RNF168: variants seen among roughly 807,000 people sequenced by gnomAD.
RNF168 encodes ring finger protein 168, also known as E3 ubiquitin-protein ligase RNF168.
In RNF168, 34 loss-of-function variants were observed where a neutral mutation model predicts 34.9. The observed-to-expected ratio is 0.97, with a 90% CI of 0.74 to 1.30. The LOEUF is 1.30. Ranked by LOEUF, RNF168 falls within the 50% of genes most tolerant of loss-of-function variation. The probability of loss-of-function intolerance (pLI) is 0.00; values close to 1 mark genes in which losing one functional copy is unlikely to be tolerated. For missense variants in RNF168, 725 were observed against 682.5 expected, an observed-to-expected ratio of 1.06 and a Z score of -0.69; for synonymous variants, 264 against 254.7, an observed-to-expected ratio of 1.04 and a Z score of -0.35.
rs940416672 is a variant in RNF168 at position 196,500,424 on chromosome 3, T to G, written c.301+2449A>C. On this transcript the variant is annotated intron_variant, in intron 1 of 5. Transcript: ENST00000318037. ...CACAAAAGGACAAAACCTATGAAAA[T>G]TCCACTTACAGGAGGTACCTAGAAG... 1.2e-4 allele frequency among the ~76,000 whole-genome samples: 19 copies of G among 152,124 alleles called. No individual in the cohort carries two copies. The East Asian group carries it at 3.5e-3, about 28-fold the overall frequency.
In RNF168 at chr3:196,472,042, T is replaced by C. The variant is rs1430482491; in HGVS notation, c.1493A>G (p.Asn498Ser). 8.1e-6 allele frequency: 13 copies of C among 1,613,942 alleles called. No individual in the cohort carries two copies. The highest frequency in any genetic ancestry group is 1.3e-5 in the African/African-American group (1 of 75,046). ...NGQRKNPKDG[N>S]FKRQTHTKHP... ...CTTTGTGTGAGTTTGCCTTTTGAAG[T>C]TCCCATCTTTGGGATTCTTCCTCTG... The change falls in exon 6 of 6, where the codon AAC (asparagine) becomes AGC (serine). Residue 498 changes from asparagine to serine, a missense_variant. Coordinates refer to ENST00000318037, the MANE Select transcript of RNF168 (RefSeq NM_152617.4).
intron 3 of RNF168, among the ~76,000 whole-genome samples, chr3:196,486,835 G>A (rs909810765): frequency 5.3e-5 from 8 of 152,328 alleles, no homozygotes; most frequent in South Asian, 4.1e-4. Flanking sequence ...TTGAGACGCC[G>A]AGGCAGATGG....
rs1437445552 is a variant in RNF168 at position 196,471,593 on chromosome 3, T to TA, written c.*225dup. 1.8e-6 allele frequency: 1 copy of TA among 542,146 alleles called. No individual in the cohort carries two copies. Among genetic ancestry groups the TA allele is most frequent in the African/African-American group, 1.9e-5 (1 of 52,820 alleles). 33.6% of individuals were successfully genotyped at this position (542,146 alleles called of 1,614,324 possible). A position where few individuals can be genotyped will look rare whatever the true frequency, so the allele number is the denominator to read the frequency against. ...TATCTCTAAGAATTGTAAAGCTTAA[T>TA]ACACATCTGTTATTAAGAAGGGAAA... On this transcript the variant is annotated 3_prime_UTR_variant, in exon 6 of 6. Coordinates refer to ENST00000318037, the MANE Select transcript of RNF168 (RefSeq NM_152617.4).
intron 4 of RNF168, among the ~76,000 whole-genome samples, chr3:196,476,339 TG>T (rs1188405511): frequency 1.3e-5 from 2 of 152,142 alleles, no homozygotes; most frequent in African/African-American, 4.8e-5. Flanking sequence ...TCTCTACTAT[TG>T]GGAAAAAGTC....
Position 196,503,210 on chromosome 3 carries a change from C to T in RNF168, c.-37G>A. 2 of 1,587,694 alleles carry T rather than the reference C, an allele frequency of 1.3e-6. No individual in the cohort carries two copies. ...AGTAAAGCCGACTAAACAACGACAC[C>T]TGCACGAAAAAGAATCCTATTTTCG... On this transcript the variant is annotated 5_prime_UTR_variant, in exon 1 of 6. Coordinates refer to ENST00000318037, the MANE Select transcript of RNF168 (RefSeq NM_152617.4).
At position 196,471,858 on chromosome 3, in the gene RNF168, C is replaced by G. The variant is rs779834028; in HGVS notation, c.1677G>C (p.Gln559His). Reference sequence around the variant, plus strand: ...TCTGAAACATCTGAAAAACACTTTTCTGTGAAATGCTAGGCTGTAGGGAGT... The same window carrying G: ...TCTGAAACATCTGAAAAACACTTTTGTGTGAAATGCTAGGCTGTAGGGAGT... Reference protein sequence around the residue: ...SAHSLQPSISQKSVFQMFQRC... With the variant: ...SAHSLQPSISHKSVFQMFQRC... Residue 559 changes from glutamine (Q) to histidine (H), a missense_variant, in exon 6 of 6, where the codon CAG becomes CAC. Physicochemically the swap from Gln to His is conservative, Grantham distance 24. Coordinates refer to ENST00000318037, the MANE Select transcript of RNF168 (RefSeq NM_152617.4). The G allele has an allele frequency of 3.2e-5, 52 of 1,613,878 alleles. No homozygotes were observed. Among genetic ancestry groups the G allele is most frequent in the Non-Finnish European group, 4.1e-5 (48 of 1,179,886 alleles).
In RNF168 at chr3:196,489,429, C is replaced by T. The variant is rs1397884849; in HGVS notation, c.302-746G>A. ...GCAACCTCCGCCTCCCGGGTTCAAA[C>T]AATTATTGTGCCTCAGTGTCCTGAG... On this transcript the variant is annotated intron_variant, in intron 1 of 5. Coordinates refer to ENST00000318037, the MANE Select transcript of RNF168 (RefSeq NM_152617.4). 2.6e-5 allele frequency among the ~76,000 whole-genome samples: 4 copies of T among 151,866 alleles called. No homozygotes were observed. The East Asian group carries it at 7.8e-4, about 29-fold the overall frequency.
chr3:196,488,043 C>T (rs1732499606), intron 2 of RNF168, among the ~76,000 whole-genome samples: 1 of 152,010 alleles, frequency 6.6e-6, no homozygotes, highest in Non-Finnish European at 1.5e-5. Context: ...AAAAATATAT[C>T]CTGGTATGGA....
chr3:196,479,037 G>A (rs1245302563), intron 4 of RNF168, among the ~76,000 whole-genome samples: 2 of 144,788 alleles, frequency 1.4e-5, no homozygotes, highest in African/African-American at 2.6e-5. Context: ...TTGAGACGGC[G>A]TCTCACTCTA....
At chr3:196,476,991 G>A (rs933168512) in intron 4 of RNF168, among the ~76,000 whole-genome samples, 3 of 152,048 alleles carry the variant, frequency 2.0e-5, no homozygotes, top group South Asian at 2.1e-4. Context: ...CAGGTGATCC[G>A]CCTGCCTCGG....
At chr3:196,492,756 T>C (rs946208403) in intron 1 of RNF168, among the ~76,000 whole-genome samples, 1 of 151,766 alleles carries the variant, frequency 6.6e-6, no homozygotes, top group African/African-American at 2.4e-5. Flanking sequence ...CCAGCCTGGG[T>C]GACAGAGAGA....
chr3:196,475,184 G>T, intron 5 of RNF168, 47 bp downstream of exon 5: 1 of 1,040,116 alleles, frequency 9.6e-7, no homozygotes, highest in Non-Finnish European at 1.5e-6. Context: ...CTAATCTACA[G>T]CATTAATGAA....
rs144637588 is a variant in RNF168, at chr3:196,473,861, G to A, written c.763-1089C>T. On this transcript the variant is annotated intron_variant, in intron 5 of 5. Transcript: ENST00000318037. ...GCAAAAAAAAAATACCTAGTGTTTG[G>A]AAGATAAAGCTTGGGACTTCTATAA... Among the ~76,000 whole-genome samples, 781 of 151,988 alleles carry A rather than the reference G, an allele frequency of 5.1e-3. 4 individuals carry two copies. Among genetic ancestry groups the A allele is most frequent in the African/African-American group, 0.018 (736 of 41,418 alleles).
chr3:196,498,120 A>T (rs1732789341), intron 1 of RNF168, among the ~76,000 whole-genome samples: 1 of 152,206 alleles, frequency 6.6e-6, no homozygotes, highest in Non-Finnish European at 1.5e-5. Flanking sequence ...TGGTGGGATT[A>T]CAAAATGACA....
At chr3:196,483,504 A>T (rs954648959) in intron 4 of RNF168, among the ~76,000 whole-genome samples, 1 of 152,232 alleles carries the variant, frequency 6.6e-6, no homozygotes, top group African/African-American at 2.4e-5. Context: ...ACCAAGAGAA[A>T]GAGGAATCCA....
chr3:196,502,525 T>C (rs988145336), intron 1 of RNF168, among the ~76,000 whole-genome samples: 1 of 150,462 alleles, frequency 6.6e-6, no homozygotes, highest in African/African-American at 2.5e-5. Context: ...GAGGCGGAGG[T>C]TGCAGGGAGC....
intron 1 of RNF168, among the ~76,000 whole-genome samples, chr3:196,490,221 A>T (rs1732559937): frequency 6.6e-6 from 1 of 152,238 alleles, no homozygotes; most frequent in Admixed American, 6.5e-5. Context: ...TTGAAAGATA[A>T]TTCTGGGTCA....
Position 196,471,226 on chromosome 3 carries a change from A to AT in RNF168, c.*592_*593insA. The AT allele has an allele frequency of 6.9e-6, 1 of 145,384 alleles. No individual in the cohort carries two copies. The highest frequency in any genetic ancestry group is 2.2e-4 in the South Asian group (1 of 4,610). The allele number at this position is 145,384 out of a possible 1,614,324, so 9.0% of individuals were successfully genotyped here. A position where few individuals can be genotyped will look rare whatever the true frequency, so the allele number is the denominator to read the frequency against. On this transcript the variant is annotated 3_prime_UTR_variant, in exon 6 of 6. Coordinates refer to ENST00000318037, the MANE Select transcript of RNF168 (RefSeq NM_152617.4). ...AAAAAAAAAAAAAAAAAAAAAAAAA[A>AT]AAATCTGGGATTTCCCACATATGAA... is the stretch of plus-strand genomic sequence containing the variant.
chr3:196,484,225 C>CAGTG (rs1732367501), intron 3 of RNF168, among the ~76,000 whole-genome samples: 1 of 132,518 alleles, frequency 7.5e-6, no homozygotes, highest in African/African-American at 3.0e-5. Flanking sequence ...GGCTGGAGTG[C>CAGTG]AGTGGCGCGA....
Sources: gnomAD v4.1 joint callset for allele counts (sites outside exome capture counted in the v4.1 genomes callset) on GRCh38, gnomAD v4.1.1 for gene constraint, MANE v1.5 for transcripts, NCBI Gene and HGNC (gene_info 2026-07-23, HGNC 2026-07-21) for gene names.